Variants in LHCGR observed in about 807,000 individuals in gnomAD.
LHCGR encodes the protein lutropin-choriogonadotropic hormone receptor.
Under a neutral mutation model 60.7 loss-of-function variants are expected in LHCGR, and 55 were observed. The ratio of observed to expected loss-of-function variants is 0.91; its 90% confidence interval spans 0.73 to 1.13. The LOEUF is 1.13. Among genes scored for constraint, LHCGR ranks in the 50% most tolerant of loss-of-function variants. LHCGR has a pLI of 0.00. For synonymous variants in LHCGR, 337 were observed against 316.5 expected (o/e 1.06, Z -0.69); for missense variants, 862 against 836.0 (o/e 1.03, Z -0.38).
intron 7 of LHCGR, among the ~76,000 whole-genome samples, chr2:48,713,084 C>T (rs1436348869): frequency 1.3e-5 from 2 of 152,166 alleles, no homozygotes; most frequent in Non-Finnish European, 2.9e-5. Context: ...AATTCTCAGG[C>T]CCTACCTAGA....
At chr2:48,752,870 T>C (rs1670023537) in intron 1 of LHCGR, among the ~76,000 whole-genome samples, 1 of 151,412 alleles carries the variant, frequency 6.6e-6, no homozygotes, top group South Asian at 2.1e-4. Context: ...GCAGTCCTCT[T>C]TGAGGAAAAA....
At chr2:48,707,846 A>C (rs1274252591) in intron 8 of LHCGR, among the ~76,000 whole-genome samples, 1 of 152,164 alleles carries the variant, frequency 6.6e-6, no homozygotes, top group African/African-American at 2.4e-5. Context: ...CACGGGAGGG[A>C]ATCTCCTGGT....
At chr2:48,734,319 T>A (rs948785571) in intron 1 of LHCGR, among the ~76,000 whole-genome samples, 5 of 152,058 alleles carry the variant, frequency 3.3e-5, no homozygotes, top group African/African-American at 1.2e-4. Context: ...GACATTAACC[T>A]CCTCCTGCAC....
chr2:48,725,632 C>T (rs1390356624), intron 4 of LHCGR, 44 bp downstream of exon 4: 2 of 1,298,216 alleles, frequency 1.5e-6, no homozygotes, highest in Non-Finnish European at 1.1e-6. Flanking sequence ...TCATCAGATG[C>T]CCATCTTCCC....
chr2:48,709,412 T>C (rs1010656524), intron 7 of LHCGR, among the ~76,000 whole-genome samples: 1 of 152,218 alleles, frequency 6.6e-6, no homozygotes, highest in African/African-American at 2.4e-5. Context: ...CTCTCAGTCA[T>C]TGTGACCGTG....
At chr2:48,741,268 C>G (rs1179411252) in intron 1 of LHCGR, among the ~76,000 whole-genome samples, 2 of 152,198 alleles carry the variant, frequency 1.3e-5, no homozygotes, top group Non-Finnish European at 2.9e-5. Context: ...AAACACTCTG[C>G]AGGTTATTAT....
chr2:48,689,976 G>A (rs995879384), intron 10 of LHCGR, among the ~76,000 whole-genome samples: 2 of 152,176 alleles, frequency 1.3e-5, no homozygotes, highest in Non-Finnish European at 2.9e-5. Flanking sequence ...GGCCTCCAAA[G>A]TGCTGGCATT....
intron 3 of LHCGR, among the ~76,000 whole-genome samples, chr2:48,726,359 T>C (rs1336588758): frequency 1.3e-5 from 2 of 152,206 alleles, no homozygotes; most frequent in African/African-American, 4.8e-5. Flanking sequence ...AAAATTTGTA[T>C]AATAATATTA....
chr2:48,693,925 A>G (rs1236328895), intron 10 of LHCGR, among the ~76,000 whole-genome samples: 1 of 152,216 alleles, frequency 6.6e-6, no homozygotes, highest in Non-Finnish European at 1.5e-5. Flanking sequence ...TATCAGTTGT[A>G]TCAGCCTTTG....
At chr2:48,706,911 C>G (rs1667711566) in intron 8 of LHCGR, among the ~76,000 whole-genome samples, 1 of 152,188 alleles carries the variant, frequency 6.6e-6, no homozygotes, top group Admixed American at 6.5e-5. Context: ...CAAACTCATT[C>G]TCCGACCAGT....
Position 48,688,326 on chromosome 2 carries a change from A to G in LHCGR, c.1471T>C (p.Trp491Arg), listed in dbSNP as rs1064796476. ...ATAGCAATTAGAGAAGAAAAGAGCCATCCTCCAAGCATAATCAGAATGGCA... is the reference window on the plus strand; with the variant it reads ...ATAGCAATTAGAGAAGAAAAGAGCCGTCCTCCAAGCATAATCAGAATGGCA... ...RHAILIMLGGWLFSSLIAMLP... is the reference protein window; with the variant it reads ...RHAILIMLGGRLFSSLIAMLP... The change falls in exon 11 of 11, where the codon TGG (tryptophan) becomes CGG (arginine). Residue 491 changes from tryptophan (W) to arginine (R), a missense_variant. Physicochemically the swap from Trp to Arg is moderately radical, Grantham distance 101. Coordinates refer to ENST00000294954, the MANE Select transcript of LHCGR (RefSeq NM_000233.4). The surrounding 1 kb of genome is among the most constrained non-coding windows in gnomAD (Gnocchi z 5.2). 3 of 1,614,190 alleles carry G rather than the reference A, an allele frequency of 1.9e-6. No homozygotes were observed. The highest frequency in any genetic ancestry group is 2.5e-6 in the Non-Finnish European group (3 of 1,180,038).
intron 6 of LHCGR, among the ~76,000 whole-genome samples, chr2:48,722,062 A>G (rs1420999380): frequency 6.6e-6 from 1 of 152,236 alleles, no homozygotes; most frequent in Non-Finnish European, 1.5e-5. Context: ...AGGCAGGAGA[A>G]TCACTTGAAC....
At chr2:48,747,605 TG>T (rs1249481300) in intron 1 of LHCGR, among the ~76,000 whole-genome samples, 1 of 152,190 alleles carries the variant, frequency 6.6e-6, no homozygotes, top group African/African-American at 2.4e-5. Flanking sequence ...ATTCTCTTTT[TG>T]GGAATTGGAA....
chr2:48,750,311 A>G (rs986079805), intron 1 of LHCGR, among the ~76,000 whole-genome samples: 5 of 152,096 alleles, frequency 3.3e-5, no homozygotes, highest in African/African-American at 1.2e-4. Context: ...GTTTGCTTTC[A>G]GTTTGTTTTT....
At position 48,688,739 on chromosome 2, in the gene LHCGR, C is replaced by G; in HGVS notation, c.1058G>C (p.Cys353Ser). 6.2e-7 allele frequency: 1 copy of G among 1,614,074 alleles called. No homozygotes were observed. The highest frequency in any genetic ancestry group is 8.5e-7 in the Non-Finnish European group (1 of 1,179,960). Residue 353 changes from cysteine (C) to serine (S), a missense_variant, in exon 11 of 11, where the codon TGT becomes TCT. By Grantham distance (112) the Cys-to-Ser change is moderately radical. Transcript: ENST00000294954. The surrounding 1 kb of genome is among the most constrained non-coding windows in gnomAD (Gnocchi z 5.2). ...CAPEPDAFNP[C>S]EDIMGYDFLR... is the part of the protein sequence containing the mutation. ...GAAGTCATAGCCCATAATATCTTCA[C>G]AGGGATTAAAAGCATCTGGTTCAGG...
intron 9 of LHCGR, among the ~76,000 whole-genome samples, chr2:48,695,687 A>G (rs1190621134): frequency 6.6e-6 from 1 of 152,216 alleles, no homozygotes; most frequent in Non-Finnish European, 1.5e-5. Context: ...TGTGGTACAT[A>G]TATACAATGT....
intron 7 of LHCGR, among the ~76,000 whole-genome samples, chr2:48,713,502 A>G (rs915820970): frequency 6.6e-6 from 1 of 152,132 alleles, no homozygotes; most frequent in East Asian, 1.9e-4. Context: ...GGTGTGGTGA[A>G]AACACAAAGC....
At position 48,694,224 on chromosome 2, in the gene LHCGR, A is replaced by G; in HGVS notation, c.947T>C (p.Leu316Pro). 1.3e-6 allele frequency: 2 copies of G among 1,524,822 alleles called. No homozygotes were observed. The highest frequency in any genetic ancestry group is 1.8e-6 in the Non-Finnish European group (2 of 1,102,550). 94.5% of individuals were successfully genotyped at this position (1,524,822 alleles called of 1,614,324 possible). A position where few individuals can be genotyped will look rare whatever the true frequency, so the allele number is the denominator to read the frequency against. ...AGTTTCCTTGCATGCAAATACTTAC[A>G]GTGTTTTGTTATTCACTTTCCTTAC... The part of the protein sequence containing the change: ...STVRKVNNKT[L>P]YSSMLAESEL... Residue 316 changes from leucine (L) to proline (P), a missense_variant and splice_region_variant, in exon 10 of 11, where the codon CTT (leucine) becomes CCT (proline). Leu to Pro is a moderately conservative substitution (Grantham distance 98). Coordinates refer to ENST00000294954, the MANE Select transcript of LHCGR (RefSeq NM_000233.4).
chr2:48,745,072 G>A (rs1669636945), intron 1 of LHCGR, among the ~76,000 whole-genome samples: 1 of 152,178 alleles, frequency 6.6e-6, no homozygotes, highest in Admixed American at 6.6e-5. Context: ...AGACATTTAT[G>A]CAGCCAAAAA....
Sources: allele counts gnomAD v4.1 joint callset (sites outside exome capture counted in the v4.1 genomes callset), GRCh38; gene constraint gnomAD v4.1.1; non-coding constraint Gnocchi (gnomAD v3.1); transcripts MANE v1.5; gene names NCBI Gene and HGNC (gene_info 2026-07-23, HGNC 2026-07-21).